The following TMEM232 variants were observed in gnomAD, a reference collection of about 807,000 sequenced individuals.
TMEM232 encodes the protein transmembrane protein 232.
TMEM232 carries 80 observed loss-of-function variants against 78.8 expected under a neutral mutation model. The ratio of observed to expected loss-of-function variants is 1.01; its 90% CI spans 0.85 to 1.22. TMEM232 has a LOEUF of 1.22. Among genes scored for constraint, TMEM232 ranks in the 50% most tolerant of loss-of-function variants. The probability of loss-of-function intolerance (pLI) is 0.00; values close to 1 mark genes in which losing one functional copy is unlikely to be tolerated. For synonymous variants in TMEM232, 297 were observed against 254.3 expected (o/e 1.17, Z -1.60); for missense variants, 881 against 742.2 (o/e 1.19, Z -2.17).
chr5:110,541,378 T>C (rs1014790832), intron 11 of TMEM232, among the ~76,000 whole-genome samples: 1 of 152,208 alleles, frequency 6.6e-6, no homozygotes, highest in Non-Finnish European at 1.5e-5. Flanking sequence ...GATATGTTTT[T>C]GTTAGTGCTA....
rs982741650 is a variant in TMEM232, at chr5:110,736,052, G to A, written c.-125-1037C>T. 3.3e-5 allele frequency among the ~76,000 whole-genome samples: 5 copies of A among 152,248 alleles called. No individual in the cohort carries two copies. The East Asian group carries it at 7.7e-4, about 23-fold the overall frequency. On this transcript the variant is annotated intron_variant, in intron 1 of 4. Coordinates refer to the TMEM232 transcript ENST00000512886. ...TGTTTTAAGCTGCCCAATTTGTTAT[G>A]GGGGTAATTCATTGTGCCACAATAG...
intron 3 of TMEM232, among the ~76,000 whole-genome samples, chr5:110,392,167 G>A (rs759438052): frequency 1.3e-5 from 2 of 152,144 alleles, no homozygotes; most frequent in South Asian, 4.1e-4. Flanking sequence ...ATCAACTTGG[G>A]GTTGCTAACA....
chr5:110,431,437 C>T (rs1757831941), intron 12 of TMEM232, among the ~76,000 whole-genome samples: 1 of 151,640 alleles, frequency 6.6e-6, no homozygotes, highest in African/African-American at 2.4e-5. Flanking sequence ...TGAAAATGCT[C>T]TGCCATCAAT....
rs185076998 is a variant in TMEM232 at position 110,708,002 on chromosome 5, C to T, written c.-13+18625G>A. ...AAAGAGCCCTTGGGTTCTAAATAACCAACAGAAATATCCAGGTATTACGCC... is the reference window on the plus strand; with the variant it reads ...AAAGAGCCCTTGGGTTCTAAATAACTAACAGAAATATCCAGGTATTACGCC... On this transcript the variant is annotated intron_variant, in intron 1 of 13. Coordinates refer to ENST00000455884, the MANE Select transcript of TMEM232 (RefSeq NM_001039763.4). Among the ~76,000 whole-genome samples the T allele has an allele frequency of 2.5e-4, 38 of 152,234 alleles. No homozygotes were observed. In the East Asian group the frequency reaches 5.6e-3, roughly 22 times the overall value.
At chr5:110,529,868 TACA>T (rs1439370406) in intron 11 of TMEM232, among the ~76,000 whole-genome samples, 1 of 152,196 alleles carries the variant, frequency 6.6e-6, no homozygotes, top group Non-Finnish European at 1.5e-5. Flanking sequence ...GGGCATATGT[TACA>T]ACTTTTTTAT....
At position 110,587,027 on chromosome 5, in the gene TMEM232, G is replaced by C. The variant is rs190959822; in HGVS notation, c.1276+18082C>G. On this transcript the variant is annotated intron_variant, in intron 10 of 13. Transcript: ENST00000455884. ...GTGGGAAAATCGCAAGTTATAAAAAGAGAAATTAATAATAAAGCAGTATTA... is the reference window on the plus strand; with the variant it reads ...GTGGGAAAATCGCAAGTTATAAAAACAGAAATTAATAATAAAGCAGTATTA... Among the ~76,000 whole-genome samples, 156 of 152,156 alleles carry C rather than the reference G, an allele frequency of 1.0e-3. 1 individual carries two copies. The highest frequency in any genetic ancestry group is 5.9e-5 in the Non-Finnish European group (4 of 67,972).
At chr5:110,689,947 A>C (rs1793901584) in intron 1 of TMEM232, among the ~76,000 whole-genome samples, 2 of 152,264 alleles carry the variant, frequency 1.3e-5, no homozygotes, top group South Asian at 4.1e-4. Flanking sequence ...AGAAAACTGA[A>C]ACTGGACCCC....
chr5:110,479,673 GT>G (rs1763650473), intron 12 of TMEM232, among the ~76,000 whole-genome samples: 1 of 151,404 alleles, frequency 6.6e-6, no homozygotes, highest in Non-Finnish European at 1.5e-5. Context: ...GATATTTTGG[GT>G]TTTTTTAGTT....
rs147123281 is a variant in TMEM232 at position 110,572,579 on chromosome 5, T to G, written c.1277-3954A>C. The stretch of plus-strand genomic sequence containing the variant: ...AGGTCAATATTTTATAAAACTACAA[T>G]AGTTGAATTATCAAAATGAATACAC... On this transcript the variant is annotated intron_variant, in intron 10 of 13. Coordinates refer to ENST00000455884, the MANE Select transcript of TMEM232 (RefSeq NM_001039763.4). Among the ~76,000 whole-genome samples the G allele has an allele frequency of 1.7e-4, 26 of 152,230 alleles. No homozygotes were observed. The East Asian group carries it at 4.5e-3, about 26-fold the overall frequency.
intron 1 of TMEM232, among the ~76,000 whole-genome samples, chr5:110,668,050 G>A (rs1481269181): frequency 6.6e-6 from 1 of 151,976 alleles, no homozygotes; most frequent in Non-Finnish European, 1.5e-5. Flanking sequence ...TATCTACACT[G>A]CATTATTTGT....
chr5:110,557,594 A>G (rs1018234906), intron 11 of TMEM232, among the ~76,000 whole-genome samples: 1 of 152,176 alleles, frequency 6.6e-6, no homozygotes, highest in Non-Finnish European at 1.5e-5. Context: ...CAGGCAATTC[A>G]CAATCATGGT....
intron 1 of TMEM232, among the ~76,000 whole-genome samples, chr5:110,694,121 C>T (rs1435543744): frequency 1.3e-5 from 2 of 152,098 alleles, no homozygotes; most frequent in African/African-American, 4.8e-5. Flanking sequence ...AGAAACTCTA[C>T]AAGCCAGAAG....
At chr5:110,602,560 C>T (rs1038433080) in intron 10 of TMEM232, among the ~76,000 whole-genome samples, 1 of 152,056 alleles carries the variant, frequency 6.6e-6, no homozygotes, top group African/African-American at 2.4e-5. Flanking sequence ...CATCACTGGT[C>T]AAAAGAGAAG....
In TMEM232 at chr5:110,676,460, G is replaced by A. The variant is rs542312695; in HGVS notation, c.-12-9096C>T. Among the ~76,000 whole-genome samples the A allele has an allele frequency of 9.3e-5, 14 of 150,200 alleles. No homozygotes were observed. The Middle Eastern group carries it at 0.01, about 111-fold the overall frequency. ...ACCCAGGCTGGAGTGCACTGGCCGCGATCTTGGGGCTCACTGCAATCTGCA... is the reference window on the plus strand; with the variant it reads ...ACCCAGGCTGGAGTGCACTGGCCGCAATCTTGGGGCTCACTGCAATCTGCA... On this transcript the variant is annotated intron_variant, in intron 1 of 13. Transcript: ENST00000455884.
At chr5:110,549,564 C>T (rs1345050806) in intron 11 of TMEM232, among the ~76,000 whole-genome samples, 1 of 139,582 alleles carries the variant, frequency 7.2e-6, no homozygotes, top group African/African-American at 2.8e-5. Flanking sequence ...CATGATCACA[C>T]CACTGCACTC....
upstream of TMEM232, among the ~76,000 whole-genome samples, chr5:110,730,329 T>C (rs557865718): frequency 1.3e-5 from 2 of 152,358 alleles, no homozygotes; most frequent in Admixed American, 6.5e-5. Context: ...TTTATCAGTT[T>C]GAACTGTTGC....
intron 5 of TMEM232, 140 bp downstream of exon 5, chr5:110,638,058 T>C: frequency 1.6e-6 from 1 of 625,792 alleles, no homozygotes; most frequent in South Asian, 3.6e-5. Context: ...CTACTCACAA[T>C]TAGAGAAGAT....
upstream of TMEM232, among the ~76,000 whole-genome samples, chr5:110,731,243 C>G (rs144855629): frequency 5.6e-3 from 853 of 152,334 alleles, 9 homozygotes; most frequent in African/African-American, 0.019. Flanking sequence ...TCCCTCCTGG[C>G]TGCTTTCATG....
chr5:110,474,083 T>C (rs1342226705), intron 12 of TMEM232, among the ~76,000 whole-genome samples: 1 of 151,568 alleles, frequency 6.6e-6, no homozygotes, highest in East Asian at 1.9e-4. Flanking sequence ...TTGCACAATA[T>C]AGTGACTATA....
Sources: allele counts gnomAD v4.1 joint callset (sites outside exome capture counted in the v4.1 genomes callset), GRCh38; gene constraint gnomAD v4.1.1; transcripts MANE v1.5; gene names NCBI Gene and HGNC (gene_info 2026-07-23, HGNC 2026-07-21).